TRPM7: variants seen among roughly 807,000 people sequenced by gnomAD.
The protein encoded by TRPM7 is LTRPC ion channel family member 7.
Under a neutral mutation model 229.7 loss-of-function variants are expected in TRPM7, and 134 were observed. The ratio of observed to expected loss-of-function variants is 0.58; its 90% CI spans 0.51 to 0.67. TRPM7 has a LOEUF of 0.67. Among genes scored for constraint, TRPM7 ranks in the 30% least tolerant of loss-of-function variants. TRPM7 has a pLI of 0.00. For missense variants in TRPM7, 1,901 were observed against 2,210.0 expected, an observed-to-expected ratio of 0.86 and a Z score of 2.80; for synonymous variants, 699 against 715.2, an observed-to-expected ratio of 0.98 and a Z score of 0.36.
chr15:50,599,026 T>C (rs992087833), intron 22 of TRPM7, 96 bp downstream of exon 22: 2 of 961,464 alleles, frequency 2.1e-6, no homozygotes, highest in African/African-American at 1.6e-5. Context: ...TTGGTAATAG[T>C]TTGACTTCTG....
intron 36 of TRPM7, among the ~76,000 whole-genome samples, chr15:50,571,958 C>T (rs567322782): frequency 5.9e-5 from 9 of 152,300 alleles, no homozygotes; most frequent in African/African-American, 1.4e-4. Flanking sequence ...AATGGCACTG[C>T]GTGCTACAGA....
intron 1 of TRPM7, among the ~76,000 whole-genome samples, chr15:50,664,225 G>A (rs978967440): frequency 1.2e-4 from 18 of 150,534 alleles, no homozygotes; most frequent in African/African-American, 4.4e-4. Context: ...TTGAACCAGG[G>A]AGTGAACCAG....
intron 24 of TRPM7, among the ~76,000 whole-genome samples, chr15:50,594,220 G>A (rs998029401): frequency 8.5e-5 from 13 of 152,128 alleles, no homozygotes; most frequent in African/African-American, 1.4e-4. Context: ...AAACAGAGAC[G>A]CCATTCTCAT....
intron 8 of TRPM7, among the ~76,000 whole-genome samples, chr15:50,633,769 C>G (rs567589934): frequency 1.3e-5 from 2 of 152,246 alleles, no homozygotes; most frequent in South Asian, 4.1e-4. Context: ...TATTATTTCA[C>G]AGATATACAT....
intron 1 of TRPM7, among the ~76,000 whole-genome samples, chr15:50,667,850 A>G (rs1286177216): frequency 6.6e-6 from 1 of 152,250 alleles, no homozygotes; most frequent in East Asian, 1.9e-4. Flanking sequence ...TAAAAATCAT[A>G]CAGGAAGCAT....
At chr15:50,579,455 C>G (rs1183476965) in intron 30 of TRPM7, among the ~76,000 whole-genome samples, 1 of 152,170 alleles carries the variant, frequency 6.6e-6, no homozygotes, top group African/African-American at 2.4e-5. Context: ...TATTTTGAAC[C>G]TAACATCATT....
At chr15:50,565,001 T>C (rs2053530907) in intron 38 of TRPM7, among the ~76,000 whole-genome samples, 2 of 144,030 alleles carry the variant, frequency 1.4e-5, no homozygotes, top group South Asian at 2.2e-4. Context: ...GCCAGATTGC[T>C]TTTTTTTTTT....
rs193247863 is a variant in TRPM7 at position 50,589,470 on chromosome 15, C to A, written c.4389+122G>T. The A allele has an allele frequency of 1.5e-3, 967 of 640,060 alleles. 8 individuals carry two copies. Among genetic ancestry groups the A allele is most frequent in the Middle Eastern group, 8.8e-3 (21 of 2,394 alleles). The allele number at this position is 640,060 out of a possible 1,614,324, so 39.6% of individuals were successfully genotyped here. ...GACAGCTTCAAATATTTGGTATCAGCATGTTAATGATATCTGCTAAAACTG... is the reference window on the plus strand; with the variant it reads ...GACAGCTTCAAATATTTGGTATCAGAATGTTAATGATATCTGCTAAAACTG... On this transcript the variant is annotated intron_variant, in intron 27 of 38. Transcript: ENST00000646667.
chr15:50,602,064 C>G (rs1244118232), intron 21 of TRPM7, among the ~76,000 whole-genome samples: 1 of 151,602 alleles, frequency 6.6e-6, no homozygotes, highest in Non-Finnish European at 1.5e-5. Flanking sequence ...AATCATGCTA[C>G]TATAAAGACA....
chr15:50,635,310 C>T (rs1461067545), intron 7 of TRPM7, among the ~76,000 whole-genome samples: 4 of 106,978 alleles, frequency 3.7e-5, no homozygotes, highest in Non-Finnish European at 7.5e-5. Context: ...GAGCGAGACT[C>T]CCTCACATAA....
intron 5 of TRPM7, among the ~76,000 whole-genome samples, chr15:50,640,974 G>C (rs922162811): frequency 3.9e-5 from 6 of 152,142 alleles, no homozygotes; most frequent in African/African-American, 1.4e-4. Flanking sequence ...CTGTTTTTAA[G>C]CCACCCAGTC....
chr15:50,565,476 C>A (rs1429300114), intron 38 of TRPM7, among the ~76,000 whole-genome samples: 1 of 151,820 alleles, frequency 6.6e-6, no homozygotes, highest in South Asian at 2.1e-4. Flanking sequence ...AAGTATACGT[C>A]AAAATAAGGA....
intron 12 of TRPM7, among the ~76,000 whole-genome samples, chr15:50,623,781 A>T (rs1359502849): frequency 6.8e-6 from 1 of 147,816 alleles, no homozygotes; most frequent in Non-Finnish European, 1.5e-5. Context: ...GAGGTCAAAC[A>T]ATGAATGTAA....
At chr15:50,632,301 AAAAT>A (rs889875604) in intron 9 of TRPM7, among the ~76,000 whole-genome samples, 7 of 152,162 alleles carry the variant, frequency 4.6e-5, no homozygotes, top group Non-Finnish European at 1.0e-4. Flanking sequence ...TCCAAAAAAA[AAAAT>A]AAATAAAAAT....
At chr15:50,618,335 C>A (rs1485039782) in intron 13 of TRPM7, among the ~76,000 whole-genome samples, 1 of 151,864 alleles carries the variant, frequency 6.6e-6, no homozygotes, top group South Asian at 2.1e-4. Context: ...CTTTGGGAGG[C>A]CAAGGAGGGC....
At chr15:50,635,856 G>A (rs2060886578) in intron 7 of TRPM7, among the ~76,000 whole-genome samples, 2 of 151,520 alleles carry the variant, frequency 1.3e-5, no homozygotes, top group Non-Finnish European at 1.5e-5. Flanking sequence ...GCGAGTGCCT[G>A]TAATCCTAGC....
At chr15:50,627,843 AG>A (rs1221657923) in intron 11 of TRPM7, among the ~76,000 whole-genome samples, 1 of 152,226 alleles carries the variant, frequency 6.6e-6, no homozygotes, top group Non-Finnish European at 1.5e-5. Flanking sequence ...AGACTAAAAA[AG>A]GAATAGGTCT....
At chr15:50,590,871 A>C (rs1022493699) in intron 26 of TRPM7, among the ~76,000 whole-genome samples, 1 of 151,864 alleles carries the variant, frequency 6.6e-6, no homozygotes, top group Admixed American at 6.6e-5. Context: ...AGGAAAAGTT[A>C]TATCTATGTA....
intron 29 of TRPM7, chr15:50,582,492 T>C (rs973715200): frequency 6.6e-6 from 1 of 152,220 alleles, no homozygotes; most frequent in African/African-American, 2.4e-5. Flanking sequence ...TCATCTTCGG[T>C]TAGGCTTTAA....
Sources: allele counts gnomAD v4.1 joint callset (sites outside exome capture counted in the v4.1 genomes callset), GRCh38; gene constraint gnomAD v4.1.1; transcripts MANE v1.5; gene names NCBI Gene and HGNC (gene_info 2026-07-23, HGNC 2026-07-21).